The following GABPB1 variants were observed in gnomAD, a reference collection of about 807,000 sequenced individuals.
The protein encoded by GABPB1 is GA binding protein transcription factor subunit beta 1.
GABPB1 carries 15 observed loss-of-function variants against 45.9 expected under a neutral mutation model. The observed-to-expected ratio is 0.33, with a 90% CI of 0.22 to 0.50. GABPB1 has a LOEUF of 0.50. GABPB1 is among the 20% of genes least tolerant of loss of function. The pLI, the probability that GABPB1 is intolerant of heterozygous loss-of-function variation, is 0.98. For missense variants in GABPB1, 252 were observed against 457.5 expected, an observed-to-expected ratio of 0.55 and a Z score of 4.10; for synonymous variants, 143 against 154.4, an observed-to-expected ratio of 0.93 and a Z score of 0.55.
intron 1 of GABPB1, among the ~76,000 whole-genome samples, chr15:50,323,298 G>A (rs747754947): frequency 8.5e-5 from 13 of 152,172 alleles, no homozygotes; most frequent in Non-Finnish European, 1.9e-4. Flanking sequence ...CCTTGGTACT[G>A]CAGTAGTTCC....
intron 7 of GABPB1, among the ~76,000 whole-genome samples, chr15:50,287,680 T>C (rs1278320956): frequency 1.3e-5 from 2 of 152,240 alleles, no homozygotes; most frequent in African/African-American, 4.8e-5. Flanking sequence ...TTAGTCTGTA[T>C]AATGATACGG....
chr15:50,311,368 A>C (rs567115724), intron 1 of GABPB1, among the ~76,000 whole-genome samples: 2 of 152,278 alleles, frequency 1.3e-5, no homozygotes, highest in East Asian at 3.9e-4. Context: ...CTGGGGTATA[A>C]ATTTATCTCA....
At chr15:50,292,372 T>C (rs1434565886) in intron 6 of GABPB1, among the ~76,000 whole-genome samples, 1 of 151,386 alleles carries the variant, frequency 6.6e-6, no homozygotes, top group African/African-American at 2.4e-5. Flanking sequence ...TAATAATTCA[T>C]TCAAGCAAGG....
intron 8 of GABPB1, among the ~76,000 whole-genome samples, chr15:50,281,590 C>G (rs2045981371): frequency 6.6e-6 from 1 of 152,092 alleles, no homozygotes; most frequent in South Asian, 2.1e-4. Flanking sequence ...TTCTAACTGC[C>G]CTGAGCCAAA....
intron 1 of GABPB1, among the ~76,000 whole-genome samples, chr15:50,333,374 G>A (rs552678844): frequency 1.3e-5 from 2 of 152,124 alleles, no homozygotes; most frequent in South Asian, 4.2e-4. Flanking sequence ...GAGGTGGGAG[G>A]ATTGCCTGAG....
chr15:50,315,922 A>G (rs1253748639), intron 1 of GABPB1, among the ~76,000 whole-genome samples: 2 of 152,166 alleles, frequency 1.3e-5, no homozygotes, highest in African/African-American at 4.8e-5. Flanking sequence ...CTGCTAAAAA[A>G]TACAAAAATT....
intron 6 of GABPB1, among the ~76,000 whole-genome samples, chr15:50,289,900 T>C (rs2046294124): frequency 6.6e-6 from 1 of 152,046 alleles, no homozygotes; most frequent in Non-Finnish European, 1.5e-5. Flanking sequence ...GCCTCCCAAG[T>C]AGCTGAGACT....
intron 1 of GABPB1, among the ~76,000 whole-genome samples, chr15:50,348,498 G>A (rs1217358991): frequency 5.3e-5 from 8 of 151,366 alleles, no homozygotes; most frequent in East Asian, 2.0e-4. Flanking sequence ...TGATCCGCCC[G>A]CCTCGGCCTC....
chr15:50,348,043 G>GAAAAA lies in GABPB1; in HGVS notation c.-1+6937_-1+6941dup, dbSNP rs763521486. 1.1e-3 allele frequency among the ~76,000 whole-genome samples: 123 copies of GAAAAA among 113,658 alleles called. 14 individuals carry two copies. The Middle Eastern group carries it at 0.013, about 12-fold the overall frequency. 74.6% of individuals were successfully genotyped at this position (113,658 alleles called of 152,430 possible). A position where few individuals can be genotyped will look rare whatever the true frequency, so the allele number is the denominator to read the frequency against. Reference sequence around the variant, plus strand: ...GGGTGACAGAGTGAAACTCCATCTGGAAAAAAAAAAAAAGAATCACTACTA... The same window carrying GAAAAA: ...GGGTGACAGAGTGAAACTCCATCTGGAAAAAAAAAAAAAAAAAAGAATCACTACTA... On this transcript the variant is annotated intron_variant, in intron 1 of 8. Coordinates refer to ENST00000380877, the MANE Select transcript of GABPB1 (RefSeq NM_016654.5).
chr15:50,325,171 T>C (rs1002828151), intron 1 of GABPB1, among the ~76,000 whole-genome samples: 2 of 152,096 alleles, frequency 1.3e-5, no homozygotes, highest in African/African-American at 4.8e-5. Context: ...AGGATGAAAT[T>C]GTTTCCATGA....
At chr15:50,347,987 G>A (rs1298190715) in intron 1 of GABPB1, among the ~76,000 whole-genome samples, 7 of 140,124 alleles carry the variant, frequency 5.0e-5, no homozygotes, top group Non-Finnish European at 7.5e-5. Context: ...AGGTTACAGT[G>A]AGCCTAGATC....
At chr15:50,345,441 C>A (rs750565594) in intron 1 of GABPB1, among the ~76,000 whole-genome samples, 8 of 152,102 alleles carry the variant, frequency 5.3e-5, no homozygotes, top group Admixed American at 2.0e-4. Context: ...GTGACACATG[C>A]GTGTAGTCCC....
intron 1 of GABPB1, chr15:50,354,117 TAGGCACGCTG>T (rs1292236665): frequency 3.3e-6 from 1 of 303,710 alleles, no homozygotes; most frequent in African/African-American, 2.4e-5. Context: ...CCCTTGAGGC[TAGGCACGCTG>T]ATTCAACACA....
chr15:50,354,068 G>A (rs1476516388), intron 1 of GABPB1: 2 of 288,990 alleles, frequency 6.9e-6, no homozygotes, highest in East Asian at 1.5e-4. Context: ...ACACAAAGCA[G>A]GCCTGTATCA....
At chr15:50,284,682 C>T (rs1040677203) in intron 8 of GABPB1, among the ~76,000 whole-genome samples, 2 of 152,082 alleles carry the variant, frequency 1.3e-5, no homozygotes, top group African/African-American at 4.8e-5. Flanking sequence ...AATAAGCTTA[C>T]ATTTAATAAA....
Position 50,289,449 on chromosome 15 carries a change from A to G in GABPB1, c.883+34T>C, listed in dbSNP as rs79088883. On this transcript the variant is annotated intron_variant, in intron 7 of 8. Transcript: ENST00000380877. ...AGAAAATAAAAATTAAAAAAAAAAA[A>G]CATACAAACTTTATATAAATGTCTA... The G allele has an allele frequency of 2.1e-6, 3 of 1,403,408 alleles. No homozygotes were observed. In the East Asian group the frequency reaches 7.2e-5, roughly 34 times the overall value. 86.9% of individuals were successfully genotyped at this position (1,403,408 alleles called of 1,614,324 possible).
At chr15:50,354,191 G>T (rs1233587471) in intron 1 of GABPB1, 1 of 341,762 alleles carries the variant, frequency 2.9e-6, no homozygotes, top group Non-Finnish European at 5.7e-6. Flanking sequence ...CTGTGCCCTG[G>T]CAGAGATGAC....
intron 1 of GABPB1, among the ~76,000 whole-genome samples, chr15:50,322,089 T>C (rs2047592425): frequency 6.6e-6 from 1 of 152,098 alleles, no homozygotes; most frequent in Non-Finnish European, 1.5e-5. Flanking sequence ...TCAGAATTAC[T>C]CTTGGACCTG....
chr15:50,303,987 G>C lies in GABPB1; in HGVS notation c.255C>G (p.Ser85Arg). The C allele has an allele frequency of 6.2e-7, 1 of 1,608,166 alleles. No individual in the cohort carries two copies. ...LHMAASEGHASIVEVLLKHGA... is the reference protein window; with the variant it reads ...LHMAASEGHARIVEVLLKHGA... ...ATACCTTAAGTAAAACCTCTACTAT[G>C]CTGGCATGGCCCTCAGAAGCTGCCA... is the stretch of plus-strand genomic sequence containing the variant. The change falls in exon 3 of 9, where the codon AGC becomes AGG. Residue 85 changes from serine (S) to arginine (R), a missense_variant. Ser to Arg is a moderately radical substitution (Grantham distance 110). Around this residue, in one of 4 missense-constraint regions of GABPB1, gnomAD observed 35 missense variants for 143.7 expected, o/e 0.24. Coordinates refer to ENST00000380877, the MANE Select transcript of GABPB1 (RefSeq NM_016654.5).
Sources: allele counts gnomAD v4.1 joint callset (sites outside exome capture counted in the v4.1 genomes callset), GRCh38; gene constraint gnomAD v4.1.1; regional missense constraint gnomAD v4.1.1; transcripts MANE v1.5; gene names NCBI Gene and HGNC (gene_info 2026-07-23, HGNC 2026-07-21).